Variants in FNDC1 observed in about 807,000 individuals in gnomAD.
FNDC1 encodes the protein fibronectin type III domain-containing protein 1.
FNDC1 carries 96 observed loss-of-function variants against 168.0 expected under a neutral mutation model. The observed-to-expected ratio is 0.57, with a 90% CI of 0.48 to 0.68. The LOEUF is 0.68. Ranked by LOEUF, FNDC1 falls within the 30% of genes least tolerant of loss-of-function variation. The pLI is 0.00. For missense variants in FNDC1, 2,587 were observed against 2,482.1 expected (o/e 1.04, Z -0.90); for synonymous variants, 1,099 against 1,025.9 (o/e 1.07, Z -1.36).
intron 20 of FNDC1, among the ~76,000 whole-genome samples, chr6:159,265,797 G>A (rs59109694): frequency 0.012 from 1,849 of 152,154 alleles, 39 homozygotes; most frequent in African/African-American, 0.043. Context: ...GTGTGGTGGC[G>A]TGCACCTGTA....
intron 13 of FNDC1, among the ~76,000 whole-genome samples, 173 bp downstream of exon 13, chr6:159,238,838 C>T (rs569186455): frequency 5.3e-5 from 8 of 152,272 alleles, no homozygotes; most frequent in Non-Finnish European, 7.4e-5. Context: ...CCCCAGAGAG[C>T]GTTAGTTCTC....
In FNDC1 at chr6:159,251,472, G is replaced by A. The variant is rs1399618991; in HGVS notation, c.5005G>A (p.Gly1669Ser). ...CAACATCACCGTGGTGGCCGTGGAA[G>A]GTTGCCACTCATTTGTCATTGTGGA... ...PRNITVVAVE[G>S]CHSFVIVDWD... is the part of the protein sequence containing the mutation. Residue 1669 changes from glycine to serine, a missense_variant, in exon 17 of 23, where the codon GGT (glycine) becomes AGT (serine). Coordinates refer to ENST00000297267, the MANE Select transcript of FNDC1 (RefSeq NM_032532.3). The A allele has an allele frequency of 6.2e-7, 1 of 1,613,954 alleles. No homozygotes were observed. Among genetic ancestry groups the A allele is most frequent in the Non-Finnish European group, 8.5e-7 (1 of 1,179,882 alleles).
At chr6:159,212,144 G>A (rs568565764) in intron 4 of FNDC1, among the ~76,000 whole-genome samples, 12 of 152,186 alleles carry the variant, frequency 7.9e-5, no homozygotes, top group East Asian at 1.9e-4. Context: ...ATTAGTTGCC[G>A]CAGGTCTTCT....
intron 1 of FNDC1, among the ~76,000 whole-genome samples, chr6:159,177,404 G>A (rs147362570): frequency 8.5e-5 from 13 of 152,240 alleles, no homozygotes; most frequent in African/African-American, 3.1e-4. Context: ...TCCCACATTT[G>A]TCTGGAGATG....
intron 22 of FNDC1, 97 bp downstream of exon 22, chr6:159,268,023 A>T (rs1380625267): frequency 7.7e-7 from 1 of 1,295,412 alleles, no homozygotes; most frequent in South Asian, 1.3e-5. Flanking sequence ...TTGCCTTGTC[A>T]TTCGAAGATG....
Position 159,234,137 on chromosome 6 carries a change from C to T in FNDC1, c.3625C>T (p.Pro1209Ser). Residue 1209 changes from proline to serine, a missense_variant, in exon 11 of 23, where the codon CCC becomes TCC. Pro to Ser is a moderately conservative substitution (Grantham distance 74). Coordinates refer to ENST00000297267, the MANE Select transcript of FNDC1 (RefSeq NM_032532.3). ...SVPKWPSSST[P>S]RGGKDADGSL... is the part of the protein sequence containing the mutation. The stretch of plus-strand genomic sequence containing the variant: ...GCCAAAGTGGCCCTCTTCCTCCACT[C>T]CCAGGGGCGGCAAAGACGCCGATGG... 1 of 1,602,500 alleles carries T rather than the reference C, an allele frequency of 6.2e-7. No individual in the cohort carries two copies. Among genetic ancestry groups the T allele is most frequent in the Non-Finnish European group, 8.5e-7 (1 of 1,174,596 alleles).
intron 5 of FNDC1, among the ~76,000 whole-genome samples, chr6:159,220,553 C>G (rs996021217): frequency 6.6e-6 from 1 of 152,098 alleles, no homozygotes; most frequent in African/African-American, 2.4e-5. Flanking sequence ...TGACCCTGGG[C>G]AAGTCACTCA....
intron 17 of FNDC1, among the ~76,000 whole-genome samples, chr6:159,252,390 G>A (rs1422618719): frequency 2.0e-5 from 3 of 152,136 alleles, no homozygotes; most frequent in African/African-American, 4.8e-5. Context: ...TTGTCTTGGT[G>A]TTCCCACTAT....
At chr6:159,266,021 C>G in intron 20 of FNDC1, 63 bp from the exon 21 acceptor site, 1 of 1,570,030 alleles carries the variant, frequency 6.4e-7, no homozygotes, top group South Asian at 1.1e-5. Flanking sequence ...TTTCCTGGCA[C>G]TTTGTGTGAG....
intron 1 of FNDC1, among the ~76,000 whole-genome samples, chr6:159,182,144 C>T (rs1002759279): frequency 5.9e-5 from 9 of 152,192 alleles, no homozygotes; most frequent in African/African-American, 1.9e-4. Context: ...CATGACTGCA[C>T]TTTCAATGCT....
chr6:159,259,825 A>G (rs1228857109), intron 18 of FNDC1, among the ~76,000 whole-genome samples: 1 of 152,248 alleles, frequency 6.6e-6, no homozygotes, highest in African/African-American at 2.4e-5. Context: ...CCTAAATAAG[A>G]TGCAAATGGC....
chr6:159,252,382 G>A (rs1777286326), intron 17 of FNDC1, among the ~76,000 whole-genome samples: 1 of 152,168 alleles, frequency 6.6e-6, no homozygotes, highest in African/African-American at 2.4e-5. Flanking sequence ...TCTAGTGCTT[G>A]TCTTGGTGTT....
chr6:159,269,527 C>T (rs1277974823), intron 22 of FNDC1, among the ~76,000 whole-genome samples: 3 of 146,772 alleles, frequency 2.0e-5, no homozygotes, highest in East Asian at 2.0e-4. Context: ...TCCATCCATC[C>T]ATCCATCCAT....
At chr6:159,259,589 T>G (rs763659931) in intron 18 of FNDC1, among the ~76,000 whole-genome samples, 3 of 152,158 alleles carry the variant, frequency 2.0e-5, no homozygotes, top group Non-Finnish European at 2.9e-5. Context: ...ATGTTTTAAT[T>G]TCCTTTTCAA....
At chr6:159,181,681 G>A (rs1422094912) in intron 1 of FNDC1, among the ~76,000 whole-genome samples, 1 of 152,202 alleles carries the variant, frequency 6.6e-6, no homozygotes, top group African/African-American at 2.4e-5. Flanking sequence ...GACCTTGCCT[G>A]GCGGGCACAC....
chr6:159,269,273 T>C lies in FNDC1; in HGVS notation c.5569+1347T>C, dbSNP rs1562315774. Among the ~76,000 whole-genome samples the C allele has an allele frequency of 6.4e-4, 57 of 89,562 alleles. 1 individual carries two copies. The highest frequency in any genetic ancestry group is 1.5e-3 in the Non-Finnish European group (50 of 33,064). The allele number at this position is 89,562 out of a possible 152,430, so 58.8% of individuals were successfully genotyped here. A position where few individuals can be genotyped will look rare whatever the true frequency, so the allele number is the denominator to read the frequency against. ...TCCATCTATCATCTATCTATCTATCTATCTATCTATCTATCTATCCATCCA... is the reference window on the plus strand; with the variant it reads ...TCCATCTATCATCTATCTATCTATCCATCTATCTATCTATCTATCCATCCA... On this transcript the variant is annotated intron_variant, in intron 22 of 22. Coordinates refer to ENST00000297267, the MANE Select transcript of FNDC1 (RefSeq NM_032532.3).
Position 159,234,456 on chromosome 6 carries a change from C to T in FNDC1, c.3944C>T (p.Pro1315Leu), listed in dbSNP as rs755569889. The T allele has an allele frequency of 6.2e-7, 1 of 1,613,512 alleles. No homozygotes were observed. Among genetic ancestry groups the T allele is most frequent in the Non-Finnish European group, 8.5e-7 (1 of 1,179,876 alleles). Residue 1315 changes from proline (P) to leucine (L), a missense_variant, in exon 11 of 23, where the codon CCT becomes CTT. Physicochemically the swap from Pro to Leu is moderately conservative, Grantham distance 98. Coordinates refer to ENST00000297267, the MANE Select transcript of FNDC1 (RefSeq NM_032532.3). ...TTCCGTAACCCTCTCTCCCGACAGCCTGCCAGACCCTCTTACAGACAAGGT... is the reference window on the plus strand; with the variant it reads ...TTCCGTAACCCTCTCTCCCGACAGCTTGCCAGACCCTCTTACAGACAAGGT... ...ARFRNPLSRQ[P>L]ARPSYRQGYN... is the part of the protein sequence containing the mutation.
rs867259263 is a variant in FNDC1, at chr6:159,251,340, C to T, written c.4873C>T (p.Pro1625Ser). Residue 1625 changes from proline (P) to serine (S), a missense_variant, in exon 17 of 23, where the codon CCG becomes TCG. Physicochemically the swap from Pro to Ser is moderately conservative, Grantham distance 74. Transcript: ENST00000297267. ...VTYLNKDPSA[P>S]CSLTDALDHF... Reference sequence around the variant, plus strand: ...GTACCTAAATAAAGACCCATCAGCCCCGTGCTCTCTGACTGATGCACTGGA... The same window carrying T: ...GTACCTAAATAAAGACCCATCAGCCTCGTGCTCTCTGACTGATGCACTGGA... The T allele has an allele frequency of 6.2e-7, 1 of 1,613,942 alleles. No homozygotes were observed. The highest frequency in any genetic ancestry group is 1.1e-5 in the South Asian group (1 of 91,056).
intron 13 of FNDC1, 69 bp from the exon 14 acceptor site, chr6:159,239,448 A>G: frequency 7.4e-7 from 1 of 1,357,510 alleles, no homozygotes; most frequent in Non-Finnish European, 9.9e-7. Flanking sequence ...GAAGACACTT[A>G]TTGCTTGCTT....
Sources: gnomAD v4.1 joint callset for allele counts (sites outside exome capture counted in the v4.1 genomes callset) on GRCh38, gnomAD v4.1.1 for gene constraint, MANE v1.5 for transcripts, NCBI Gene and HGNC (gene_info 2026-07-23, HGNC 2026-07-21) for gene names.